The following SEMA6A variants were observed in gnomAD, a reference collection of about 807,000 sequenced individuals.
SEMA6A encodes semaphorin 6A, also known as semaphorin-6A.
SEMA6A carries 25 observed loss-of-function variants against 96.8 expected under a neutral mutation model. The observed-to-expected ratio is 0.26, with a 90% confidence interval of 0.19 to 0.36. The LOEUF is 0.36. Among genes scored for constraint, SEMA6A ranks in the 10% least tolerant of loss-of-function variants. The pLI, the probability that SEMA6A is intolerant of heterozygous loss-of-function variation, is 1.00. For synonymous variants in SEMA6A, 612 were observed against 518.0 expected (o/e 1.18, Z -2.46); for missense variants, 1,363 against 1,323.1 (o/e 1.03, Z -0.47).
intron 18 of SEMA6A, among the ~76,000 whole-genome samples, chr5:116,461,856 A>T (rs1755425368): frequency 6.6e-6 from 1 of 152,146 alleles, no homozygotes; most frequent in Non-Finnish European, 1.5e-5. Context: ...TCTATCTCTA[A>T]TACAGCCTCT....
At chr5:116,528,205 C>T (rs867948595) in intron 1 of SEMA6A, among the ~76,000 whole-genome samples, 33 of 152,246 alleles carry the variant, frequency 2.2e-4, no homozygotes, top group African/African-American at 2.9e-4. Flanking sequence ...ATATAGTACC[C>T]GATTTGCTTC....
At chr5:116,474,278 G>GCGCACACACA (rs1554083459) in intron 16 of SEMA6A, among the ~76,000 whole-genome samples, 1 of 147,300 alleles carries the variant, frequency 6.8e-6, no homozygotes, top group Non-Finnish European at 1.5e-5. Context: ...GTGCACGCAT[G>GCGCACACACA]CACACACACA....
intron 18 of SEMA6A, among the ~76,000 whole-genome samples, chr5:116,457,323 A>G (rs868339711): frequency 6.6e-6 from 1 of 152,188 alleles, no homozygotes. Context: ...GGTTAGGCAT[A>G]ATGCAGTTTG....
chr5:116,572,093 C>T (rs1761238967), intron 1 of SEMA6A, among the ~76,000 whole-genome samples: 1 of 152,164 alleles, frequency 6.6e-6, no homozygotes, highest in Non-Finnish European at 1.5e-5. Flanking sequence ...ACCTTCCCAT[C>T]CTGGCAAGAC....
In SEMA6A at chr5:116,445,899, G is replaced by A. The variant is rs1019010780; in HGVS notation, c.*714C>T. The A allele has an allele frequency of 6.6e-6, 1 of 152,596 alleles. No individual in the cohort carries two copies. Among genetic ancestry groups the A allele is most frequent in the Non-Finnish European group, 1.5e-5 (1 of 68,038 alleles). 9.5% of individuals were successfully genotyped at this position (152,596 alleles called of 1,614,324 possible). ...GAGTCCTTTCCTTAAGGAAAAAAAG[G>A]GTGAACAATAAATAAAGAGTTACTT... On this transcript the variant is annotated 3_prime_UTR_variant, in exon 19 of 19. Coordinates refer to ENST00000343348, the MANE Select transcript of SEMA6A (RefSeq NM_020796.5).
intron 18 of SEMA6A, among the ~76,000 whole-genome samples, chr5:116,452,900 G>C (rs1408771174): frequency 1.3e-5 from 2 of 152,210 alleles, no homozygotes; most frequent in Admixed American, 6.5e-5. Flanking sequence ...TGTCGGGGAA[G>C]GACAATGATG....
At chr5:116,480,066 T>C (rs1756672078) in intron 12 of SEMA6A, 56 bp downstream of exon 12, 2 of 1,590,510 alleles carry the variant, frequency 1.3e-6, no homozygotes, top group Admixed American at 1.7e-5. Context: ...TGATTGGTTC[T>C]CCGACATGAG....
intron 1 of SEMA6A, among the ~76,000 whole-genome samples, chr5:116,533,247 T>C (rs1043326982): frequency 1.3e-5 from 2 of 150,018 alleles, no homozygotes; most frequent in Non-Finnish European, 2.9e-5. Context: ...GATTTCCTTC[T>C]TTGTTTTTCC....
intron 8 of SEMA6A, among the ~76,000 whole-genome samples, chr5:116,488,641 A>G (rs112315865): frequency 1.3e-5 from 2 of 152,228 alleles, no homozygotes; most frequent in African/African-American, 4.8e-5. Context: ...TTGAAGCAAG[A>G]AAACATGAAT....
chr5:116,539,827 C>T (rs1361616225), intron 1 of SEMA6A, among the ~76,000 whole-genome samples: 1 of 151,998 alleles, frequency 6.6e-6, no homozygotes, highest in African/African-American at 2.4e-5. Flanking sequence ...TTTTTGTTAA[C>T]CTCTTGGTTT....
At chr5:116,453,710 G>T (rs919360702) in intron 18 of SEMA6A, among the ~76,000 whole-genome samples, 1 of 152,068 alleles carries the variant, frequency 6.6e-6, no homozygotes, top group Non-Finnish European at 1.5e-5. Flanking sequence ...ATCCATTATC[G>T]CAAAACTCTT....
At chr5:116,471,308 T>TGA (rs1756129095) in intron 17 of SEMA6A, 1 of 152,192 alleles carries the variant, frequency 6.6e-6, no homozygotes, top group Non-Finnish European at 1.5e-5. Context: ...GCTTAGGTAG[T>TGA]GATTTTTGTT....
intron 1 of SEMA6A, among the ~76,000 whole-genome samples, chr5:116,515,769 C>T (rs1202078879): frequency 6.6e-6 from 1 of 152,188 alleles, no homozygotes; most frequent in Non-Finnish European, 1.5e-5. Context: ...TGGGATTGCT[C>T]AGGCCTAAAC....
Position 116,475,850 on chromosome 5 carries a change from T to C in SEMA6A, c.1650-247A>G, listed in dbSNP as rs182947199. ...ATATTATTCAGGGAGATAATTAGCT[T>C]GCAGATTATTTACATCCTTCTTTAC... is the stretch of plus-strand genomic sequence containing the variant. On this transcript the variant is annotated intron_variant, in intron 15 of 18. Transcript: ENST00000343348. Among the ~76,000 whole-genome samples the C allele has an allele frequency of 4.3e-3, 656 of 152,332 alleles. 6 individuals are homozygous for C. Among genetic ancestry groups the C allele is most frequent in the Admixed American group, 0.011 (174 of 15,288 alleles).
intron 1 of SEMA6A, among the ~76,000 whole-genome samples, chr5:116,512,766 T>G (rs995614183): frequency 7.9e-5 from 12 of 152,076 alleles, no homozygotes; most frequent in African/African-American, 2.9e-4. Flanking sequence ...TTATTGCACT[T>G]TACTTGGATG....
chr5:116,470,037 T>C (rs1448119248), intron 17 of SEMA6A, among the ~76,000 whole-genome samples: 1 of 152,212 alleles, frequency 6.6e-6, no homozygotes, highest in Non-Finnish European at 1.5e-5. Flanking sequence ...TGTAATCTTT[T>C]AAACTTATGC....
rs60731705 is a variant in SEMA6A at position 116,541,768 on chromosome 5, G to T, written c.-39+32417C>A. On this transcript the variant is annotated intron_variant, in intron 1 of 18. Transcript: ENST00000343348. ...GAATCATTTGAACCTGGGAGGTGGA[G>T]GTTGCAGTGAGCTGAGATCACGCCA... Among the ~76,000 whole-genome samples the T allele has an allele frequency of 4.0e-3, 615 of 152,284 alleles. 6 individuals are homozygous for T. The highest frequency in any genetic ancestry group is 0.014 in the African/African-American group (580 of 41,558).
intron 1 of SEMA6A, among the ~76,000 whole-genome samples, chr5:116,514,007 CT>C (rs1758547527): frequency 1.3e-5 from 2 of 152,168 alleles, no homozygotes; most frequent in African/African-American, 4.8e-5. Context: ...ATATGTACCA[CT>C]TTCTTTATCT....
At position 116,445,664 on chromosome 5, in the gene SEMA6A, T is replaced by G. The variant is rs61485609; in HGVS notation, c.*949A>C. The G allele has an allele frequency of 1.3e-3, 202 of 152,662 alleles. No individual in the cohort carries two copies. Among genetic ancestry groups the G allele is most frequent in the African/African-American group, 4.6e-3 (190 of 41,584 alleles). The allele number at this position is 152,662 out of a possible 1,614,324, so 9.5% of individuals were successfully genotyped here. A position where few individuals can be genotyped will look rare whatever the true frequency, so the allele number is the denominator to read the frequency against. On this transcript the variant is annotated 3_prime_UTR_variant, in exon 19 of 19. Coordinates refer to ENST00000343348, the MANE Select transcript of SEMA6A (RefSeq NM_020796.5). ...CTGACCAGGCAATGAACTGATAGAT[T>G]TAAATAAATATTCCCCTCCTAACTT...
Sources: allele counts gnomAD v4.1 joint callset (sites outside exome capture counted in the v4.1 genomes callset), GRCh38; gene constraint gnomAD v4.1.1; transcripts MANE v1.5; gene names NCBI Gene and HGNC (gene_info 2026-07-23, HGNC 2026-07-21).